SPAG16: variants seen among roughly 807,000 people sequenced by gnomAD.
The protein encoded by SPAG16 is sperm associated antigen 16.
In SPAG16, 86 loss-of-function variants were observed where a neutral mutation model predicts 80.4. That is an observed-to-expected ratio of 1.07 (90% confidence interval 0.90 to 1.28). The LOEUF (loss-of-function observed/expected upper bound fraction) is 1.28, where lower values mean the gene tolerates loss of function less well. SPAG16 is among the 50% of genes most tolerant of loss of function. The pLI is 0.00. For missense variants in SPAG16, 870 were observed against 765.3 expected (o/e 1.14, Z -1.61); for synonymous variants, 294 against 265.9 (o/e 1.11, Z -1.03).
intron 15 of SPAG16, chr2:214,238,265 C>A (rs1689213443): frequency 6.6e-6 from 2 of 304,988 alleles, no homozygotes; most frequent in South Asian, 2.7e-5. Context: ...ATATTTTATG[C>A]CTCGTTTTCC....
At chr2:213,389,709 G>C (rs939272581) in intron 9 of SPAG16, among the ~76,000 whole-genome samples, 3 of 152,060 alleles carry the variant, frequency 2.0e-5, no homozygotes, top group African/African-American at 7.2e-5. Context: ...AGACTAATAA[G>C]GGTGGTTTCC....
intron 15 of SPAG16, among the ~76,000 whole-genome samples, chr2:214,193,602 T>A (rs964751047): frequency 1.8e-4 from 28 of 152,002 alleles, no homozygotes; most frequent in African/African-American, 6.3e-4. Context: ...CTGAATCCAG[T>A]TCATCATCTC....
chr2:213,603,370 G>A (rs16850512), intron 10 of SPAG16, among the ~76,000 whole-genome samples: 9,355 of 152,192 alleles, frequency 0.061, 931 homozygotes, highest in African/African-American at 0.21. Flanking sequence ...CGCATTTTCC[G>A]TATCTTGCCA....
intron 10 of SPAG16, among the ~76,000 whole-genome samples, chr2:213,707,485 C>T (rs932812443): frequency 1.1e-4 from 16 of 152,126 alleles, no homozygotes; most frequent in Non-Finnish European, 1.8e-4. Context: ...GTTTTGTGAA[C>T]CCCTAACATC....
At chr2:213,426,805 A>T (rs983606335) in intron 9 of SPAG16, among the ~76,000 whole-genome samples, 1 of 139,348 alleles carries the variant, frequency 7.2e-6, no homozygotes, top group Non-Finnish European at 1.6e-5. Context: ...ATTTAAAAGG[A>T]TGAACTTTTT....
At chr2:214,381,361 C>T (rs186492976) in intron 15 of SPAG16, among the ~76,000 whole-genome samples, 13 of 152,252 alleles carry the variant, frequency 8.5e-5, no homozygotes, top group African/African-American at 3.1e-4. Context: ...GCAATGATAC[C>T]TTTCCATGTG....
At chr2:213,819,958 T>TC (rs1553637883) in intron 10 of SPAG16, among the ~76,000 whole-genome samples, 3 of 150,820 alleles carry the variant, frequency 2.0e-5, no homozygotes, top group Admixed American at 6.6e-5. Flanking sequence ...TTTTTTTTTT[T>TC]AGTAGAGACG....
intron 15 of SPAG16, among the ~76,000 whole-genome samples, chr2:214,150,932 T>G (rs2055943384): frequency 6.6e-6 from 1 of 152,038 alleles, no homozygotes; most frequent in South Asian, 2.1e-4. Flanking sequence ...TCTCCATGAC[T>G]GATATATACT....
chr2:213,982,008 A>G (rs1390663626), intron 12 of SPAG16, among the ~76,000 whole-genome samples: 1 of 151,300 alleles, frequency 6.6e-6, no homozygotes, highest in Non-Finnish European at 1.5e-5. Context: ...CAACAGAGAC[A>G]TAGAGAAAAT....
chr2:213,875,089 A>G (rs2076092563), intron 11 of SPAG16, among the ~76,000 whole-genome samples: 1 of 147,612 alleles, frequency 6.8e-6, no homozygotes. Flanking sequence ...CTACAGGCAC[A>G]TACTACCACA....
intron 10 of SPAG16, among the ~76,000 whole-genome samples, chr2:213,830,242 T>A (rs1033673897): frequency 6.6e-6 from 1 of 152,134 alleles, no homozygotes; most frequent in African/African-American, 2.4e-5. Flanking sequence ...TCCATGGACA[T>A]CAACTGAGTT....
chr2:214,148,389 C>A (rs547851986), intron 14 of SPAG16, among the ~76,000 whole-genome samples: 149 of 152,280 alleles, frequency 9.8e-4, no homozygotes, highest in African/African-American at 3.4e-3. Context: ...TCTCTCCCCA[C>A]CTTCCATTGC....
At chr2:214,158,710 C>T (rs540848706) in intron 15 of SPAG16, among the ~76,000 whole-genome samples, 133 of 151,914 alleles carry the variant, frequency 8.8e-4, no homozygotes, top group African/African-American at 3.0e-3. Context: ...TTTTGTTTAG[C>T]GCTCTGATAC....
intron 10 of SPAG16, among the ~76,000 whole-genome samples, chr2:213,778,738 G>A (rs1412193313): frequency 6.6e-6 from 1 of 152,060 alleles, no homozygotes; most frequent in African/African-American, 2.4e-5. Flanking sequence ...ACTATCTCTA[G>A]TTCTTTGGCC....
intron 3 of SPAG16, among the ~76,000 whole-genome samples, chr2:213,309,619 A>C (rs1342092133): frequency 6.6e-6 from 1 of 152,018 alleles, no homozygotes; most frequent in Non-Finnish European, 1.5e-5. Context: ...ATGCAGATAC[A>C]AACCGGAACA....
At chr2:214,215,991 A>G (rs1033077152) in intron 15 of SPAG16, among the ~76,000 whole-genome samples, 1 of 152,216 alleles carries the variant, frequency 6.6e-6, no homozygotes, top group Non-Finnish European at 1.5e-5. Flanking sequence ...TACCCATTGC[A>G]AAAAGTTAGT....
intron 10 of SPAG16, among the ~76,000 whole-genome samples, chr2:213,583,785 T>C (rs1421766677): frequency 1.3e-5 from 2 of 152,230 alleles, no homozygotes. Context: ...TAAAATAATA[T>C]AATTGACAAT....
chr2:213,940,585 T>C (rs1472838432), intron 12 of SPAG16, among the ~76,000 whole-genome samples: 2 of 152,184 alleles, frequency 1.3e-5, no homozygotes, highest in Non-Finnish European at 2.9e-5. Context: ...ATGAGCCACC[T>C]GCTTCTGGCC....
intron 10 of SPAG16, among the ~76,000 whole-genome samples, chr2:213,719,888 G>A (rs576184345): frequency 1.3e-5 from 2 of 152,216 alleles, no homozygotes; most frequent in East Asian, 3.9e-4. Flanking sequence ...ACATGCACAC[G>A]TATGTTTATT....
Sources: gnomAD v4.1 joint callset for allele counts (sites outside exome capture counted in the v4.1 genomes callset) on GRCh38, gnomAD v4.1.1 for gene constraint, MANE v1.5 for transcripts, NCBI Gene and HGNC (gene_info 2026-07-23, HGNC 2026-07-21) for gene names.